Variants in STARD9 observed in about 807,000 individuals in gnomAD.
STARD9 encodes stAR-related lipid transfer protein 9.
STARD9 carries 346 observed loss-of-function variants against 399.8 expected under a neutral mutation model. That is an observed-to-expected ratio of 0.87 (90% CI 0.79 to 0.95). STARD9 has a LOEUF of 0.95. STARD9 is among the 40% of genes least tolerant of loss of function. The pLI, the probability that STARD9 is intolerant of heterozygous loss-of-function variation, is 0.00. For missense variants in STARD9, 5,832 were observed against 5,667.5 expected (o/e 1.03, Z -0.93); for synonymous variants, 2,203 against 2,143.5 (o/e 1.03, Z -0.77).
chr15:42,673,902 A>G (rs753341159), intron 16 of STARD9: 17 of 456,030 alleles, frequency 3.7e-5, no homozygotes, highest in Non-Finnish European at 6.6e-5. Flanking sequence ...CTTTTCTCCT[A>G]TTTGTGCTTT....
intron 3 of STARD9, among the ~76,000 whole-genome samples, chr15:42,616,920 AAGTT>A (rs1341292370): frequency 1.3e-5 from 2 of 151,934 alleles, no homozygotes; most frequent in Non-Finnish European, 2.9e-5. Context: ...TACAAAAAGA[AAGTT>A]AGAGAATAAC....
chr15:42,645,708 T>A (rs953073326), intron 7 of STARD9, among the ~76,000 whole-genome samples: 2 of 152,032 alleles, frequency 1.3e-5, no homozygotes, highest in Admixed American at 6.6e-5. Context: ...ACCTGGCTAA[T>A]TTTTTGTGTA....
chr15:42,630,018 T>C (rs1327266420), intron 3 of STARD9: 1 of 148,530 alleles, frequency 6.7e-6, no homozygotes, highest in East Asian at 1.9e-4. Flanking sequence ...TTTTTTTTTT[T>C]TGTGAGACTG....
At chr15:42,663,026 A>G in intron 11 of STARD9, 135 bp downstream of exon 11, 1 of 759,198 alleles carries the variant, frequency 1.3e-6, no homozygotes, top group Non-Finnish European at 2.1e-6. Flanking sequence ...AAAAGTTGAT[A>G]TTTGTCCTTG....
intron 26 of STARD9, among the ~76,000 whole-genome samples, chr15:42,710,082 C>T (rs997047654): frequency 2.3e-5 from 3 of 128,402 alleles, no homozygotes; most frequent in African/African-American, 8.9e-5. Flanking sequence ...TTTTTTGAGA[C>T]AGGGTCTTGC....
At chr15:42,579,434 A>G (rs184690133) in intron 1 of STARD9, among the ~76,000 whole-genome samples, 1 of 152,204 alleles carries the variant, frequency 6.6e-6, no homozygotes, top group Non-Finnish European at 1.5e-5. Context: ...AAACATATCT[A>G]AAAATAGGTC....
intron 3 of STARD9, among the ~76,000 whole-genome samples, chr15:42,629,219 C>T (rs1212932483): frequency 6.6e-6 from 1 of 152,114 alleles, no homozygotes; most frequent in Non-Finnish European, 1.5e-5. Context: ...CAAGGTCTCA[C>T]CATGTTGCCA....
rs756994289 is a variant in STARD9 at position 42,693,555 on chromosome 15, T to C, written c.11977T>C (p.Phe3993Leu). 2 of 1,537,254 alleles carry C rather than the reference T, an allele frequency of 1.3e-6. No individual in the cohort carries two copies. The highest frequency in any genetic ancestry group is 2.4e-5 in the South Asian group (2 of 84,058). Reference protein sequence around the residue: ...HSPQQSPKLQFSFLGQHPQQL... With the variant: ...HSPQQSPKLQLSFLGQHPQQL... ...CCCACAGCAGAGTCCAAAACTCCAA[T>C]TTAGTTTCTTAGGGCAGCACCCTCA... The change falls in exon 23 of 33, where the codon TTT becomes CTT. Residue 3993 changes from phenylalanine to leucine, a missense_variant. Physicochemically the swap from Phe to Leu is conservative, Grantham distance 22. Coordinates refer to ENST00000290607, the MANE Select transcript of STARD9 (RefSeq NM_020759.3).
intron 2 of STARD9, among the ~76,000 whole-genome samples, chr15:42,583,691 G>A (rs981624696): frequency 2.0e-5 from 3 of 152,252 alleles, no homozygotes; most frequent in South Asian, 4.1e-4. Context: ...AACTTGGGAT[G>A]TTTTGGGGGC....
intron 7 of STARD9, among the ~76,000 whole-genome samples, chr15:42,648,001 A>C (rs79816516): frequency 1.8e-4 from 27 of 152,170 alleles, no homozygotes; most frequent in Non-Finnish European, 3.2e-4. Flanking sequence ...TTTGGACCTT[A>C]TAAGACTTGA....
chr15:42,638,653 CT>C, intron 6 of STARD9, 46 bp from the exon 7 acceptor site: 3 of 1,366,610 alleles, frequency 2.2e-6, no homozygotes, highest in Non-Finnish European at 3.0e-6. Flanking sequence ...GTTGTTTCTA[CT>C]TTTTTTCAAA....
chr15:42,710,811 G>C (rs537893495), intron 26 of STARD9, among the ~76,000 whole-genome samples: 3 of 152,162 alleles, frequency 2.0e-5, no homozygotes, highest in African/African-American at 7.2e-5. Flanking sequence ...CCAGGCTTCT[G>C]ATGGGTTACC....
chr15:42,596,922 C>T (rs1182019813), intron 3 of STARD9, among the ~76,000 whole-genome samples: 1 of 152,182 alleles, frequency 6.6e-6, no homozygotes, highest in Admixed American at 6.5e-5. Context: ...ATCTTATTCT[C>T]TAAACGTAAC....
Position 42,691,181 on chromosome 15 carries a change from C to T in STARD9, c.9603C>T (p.Cys3201=). ...TTGTAGCAAGGTTAAAACATACCTG[C>T]AGCCCCCAGGAAGACAGTCCCTGGC... is the stretch of plus-strand genomic sequence containing the variant. The part of the protein sequence containing the change: ...AKFVARLKHT[C]SPQEDSPWQE... Residue 3201 remains cysteine, a synonymous_variant, in exon 23 of 33, where the codon TGC becomes TGT. Transcript: ENST00000290607. The T allele has an allele frequency of 6.5e-7, 1 of 1,537,276 alleles. No individual in the cohort carries two copies. Among genetic ancestry groups the T allele is most frequent in the Non-Finnish European group, 8.7e-7 (1 of 1,146,910 alleles).
Position 42,675,990 on chromosome 15 carries a change from C to T in STARD9, c.1874+15C>T, listed in dbSNP as rs2060303684. ...TGGAAGGAAAGGTAAGAAATAGCTG[C>T]TTATACTGATGTGGAACCTACTGGG... is the stretch of plus-strand genomic sequence containing the variant. On this transcript the variant is annotated intron_variant, in intron 20 of 32. Transcript: ENST00000290607. 7.7e-7 allele frequency: 1 copy of T among 1,294,948 alleles called. No individual in the cohort carries two copies. Among genetic ancestry groups the T allele is most frequent in the Non-Finnish European group, 1.0e-6 (1 of 1,001,488 alleles). The allele number at this position is 1,294,948 out of a possible 1,614,324, so 80.2% of individuals were successfully genotyped here. A position where few individuals can be genotyped will look rare whatever the true frequency, so the allele number is the denominator to read the frequency against.
Position 42,667,885 on chromosome 15 carries a change from C to T in STARD9, c.1318-1273C>T, listed in dbSNP as rs145566791. ...TCCTGGCCATGTTAACATTTTGTCA[C>T]CCTTAGTAAACCTCAAGACTAAATC... On this transcript the variant is annotated intron_variant, in intron 15 of 32. Coordinates refer to ENST00000290607, the MANE Select transcript of STARD9 (RefSeq NM_020759.3). Among the ~76,000 whole-genome samples, 364 of 152,300 alleles carry T rather than the reference C, an allele frequency of 2.4e-3. 7 individuals carry two copies. The East Asian group carries it at 0.034, about 14-fold the overall frequency.
At chr15:42,711,758 G>T (rs2061228447) in intron 26 of STARD9, among the ~76,000 whole-genome samples, 1 of 151,602 alleles carries the variant, frequency 6.6e-6, no homozygotes, top group African/African-American at 2.4e-5. Flanking sequence ...TGTGCTTTTT[G>T]CCTACTAATG....
chr15:42,606,877 T>C (rs1441452300), intron 3 of STARD9, among the ~76,000 whole-genome samples: 1 of 152,114 alleles, frequency 6.6e-6, no homozygotes, highest in Non-Finnish European at 1.5e-5. Flanking sequence ...GCACAAAAAA[T>C]AGCTCACCCA....
chr15:42,601,522 G>T (rs1032993693), intron 3 of STARD9, among the ~76,000 whole-genome samples: 3 of 147,258 alleles, frequency 2.0e-5, no homozygotes, highest in African/African-American at 7.8e-5. Flanking sequence ...GGGGCGGCTG[G>T]CCGGGCGGGG....
Sources: allele counts gnomAD v4.1 joint callset (sites outside exome capture counted in the v4.1 genomes callset), GRCh38; gene constraint gnomAD v4.1.1; transcripts MANE v1.5; gene names NCBI Gene and HGNC (gene_info 2026-07-23, HGNC 2026-07-21).